Variants in LNPK observed in about 807,000 individuals in gnomAD.
The protein encoded by LNPK is lunapark, ER junction formation factor.
LNPK carries 29 observed loss-of-function variants against 55.2 expected under a neutral mutation model. That is an observed-to-expected ratio of 0.53 (90% CI 0.39 to 0.72). LNPK has a LOEUF of 0.72. Among genes scored for constraint, LNPK ranks in the 30% least tolerant of loss-of-function variants. The pLI is 0.00. For missense variants in LNPK, 467 were observed against 494.8 expected (o/e 0.94, Z 0.53); for synonymous variants, 162 against 168.2 (o/e 0.96, Z 0.29).
At chr2:175,955,955 G>A (rs1481781809) in intron 8 of LNPK, among the ~76,000 whole-genome samples, 1 of 152,166 alleles carries the variant, frequency 6.6e-6, no homozygotes, top group Non-Finnish European at 1.5e-5. Context: ...TATAGGTGGT[G>A]TCCTCCTAGA....
intron 9 of LNPK, among the ~76,000 whole-genome samples, chr2:175,943,542 C>T (rs534209049): frequency 6.6e-6 from 1 of 151,938 alleles, no homozygotes; most frequent in African/African-American, 2.4e-5. Flanking sequence ...TCGAAGCCAA[C>T]AATATGCATA....
At chr2:175,991,886 G>C (rs138673453) in intron 4 of LNPK, among the ~76,000 whole-genome samples, 1 of 152,312 alleles carries the variant, frequency 6.6e-6, no homozygotes, top group East Asian at 1.9e-4. Context: ...AATTTGAGCA[G>C]TTATTCTTTC....
intron 4 of LNPK, among the ~76,000 whole-genome samples, chr2:175,982,042 A>G (rs1687197410): frequency 6.6e-6 from 1 of 152,232 alleles, no homozygotes; most frequent in South Asian, 2.1e-4. Flanking sequence ...ACAATTACCT[A>G]AAAGTACAAA....
At chr2:175,934,929 C>T (rs1363797316) in intron 12 of LNPK, among the ~76,000 whole-genome samples, 3 of 152,024 alleles carry the variant, frequency 2.0e-5, no homozygotes, top group African/African-American at 7.3e-5. Context: ...TAGGTCTCCT[C>T]CTTTGATGAA....
chr2:175,925,661 C>CTTTTTTTTTTTTTTTTTTTTTTTTTTT lies in LNPK; in HGVS notation c.*4305_*4306insAAAAAAAAAAAAAAAAAAAAAAAAAAA, dbSNP rs756849996. On this transcript the variant is annotated 3_prime_UTR_variant, in exon 13 of 13. Transcript: ENST00000272748. ...AGCAATGGCGTGGCAGATTCATTTT[C>CTTTTTTTTTTTTTTTTTTTTTTTTTTT]TTTCTTTCTTTTTTTTTTTTGAGAT... 1 of 149,610 alleles carries CTTTTTTTTTTTTTTTTTTTTTTTTTTT rather than the reference C, an allele frequency of 6.7e-6. No homozygotes were observed. The allele number at this position is 149,610 out of a possible 1,614,324, so 9.3% of individuals were successfully genotyped here.
chr2:175,934,083 T>C (rs1684422961), intron 12 of LNPK, among the ~76,000 whole-genome samples: 1 of 152,170 alleles, frequency 6.6e-6, no homozygotes, highest in Non-Finnish European at 1.5e-5. Flanking sequence ...GAAAGTGTTT[T>C]AGAAAAGGGA....
intron 8 of LNPK, among the ~76,000 whole-genome samples, chr2:175,958,375 G>A (rs1242492767): frequency 2.0e-5 from 3 of 152,144 alleles, no homozygotes; most frequent in Non-Finnish European, 2.9e-5. Context: ...GGAAGGATCA[G>A]GCAGCAATAT....
intron 4 of LNPK, among the ~76,000 whole-genome samples, chr2:175,991,879 T>C (rs1194804395): frequency 2.0e-5 from 3 of 152,172 alleles, no homozygotes; most frequent in African/African-American, 7.2e-5. Flanking sequence ...TCAGAATAAT[T>C]TGAGCAGTTA....
rs1686620332 is a variant in LNPK, at chr2:175,970,754, G to A, written c.357+10C>T. 3 of 1,289,782 alleles carry A rather than the reference G, an allele frequency of 2.3e-6. No individual in the cohort carries two copies. Among genetic ancestry groups the A allele is most frequent in the Non-Finnish European group, 3.1e-6 (3 of 965,750 alleles). The allele number at this position is 1,289,782 out of a possible 1,614,324, so 79.9% of individuals were successfully genotyped here. On this transcript the variant is annotated intron_variant, in intron 6 of 12. Transcript: ENST00000272748. ...TAATATAAATTAATTTTAAATAAAA[G>A]TTAACTTACTATTTTTTTCCTCTGG...
rs1475064337 is a variant in LNPK at position 175,992,321 on chromosome 2, A to G, written c.167T>C (p.Phe56Ser). The stretch of plus-strand genomic sequence containing the variant: ...CCACAAATATACAATTAAGCATGTA[A>G]ACAGATAGAGAACTGAGGAATACAG... ...LILYSSVLYL[F>S]TCLIVYLWYL... Residue 56 changes from phenylalanine (F) to serine (S), a missense_variant, in exon 4 of 13, where the codon TTT (phenylalanine) becomes TCT (serine). Coordinates refer to ENST00000272748, the MANE Select transcript of LNPK (RefSeq NM_030650.3). The G allele has an allele frequency of 6.4e-7, 1 of 1,568,620 alleles. No homozygotes were observed. The highest frequency in any genetic ancestry group is 8.6e-7 in the Non-Finnish European group (1 of 1,162,812).
intron 5 of LNPK, among the ~76,000 whole-genome samples, chr2:175,971,060 T>C (rs1303344203): frequency 1.3e-5 from 2 of 152,230 alleles, no homozygotes; most frequent in East Asian, 1.9e-4. Context: ...AATTGAAATA[T>C]ATACAAATAC....
chr2:175,981,665 G>GCCTA (rs1321488594), intron 4 of LNPK, among the ~76,000 whole-genome samples: 3 of 152,226 alleles, frequency 2.0e-5, no homozygotes, highest in Non-Finnish European at 2.9e-5. Context: ...AATTGCAAAT[G>GCCTA]CCTACCGAGC....
At chr2:175,998,444 CA>C (rs761894057) in intron 1 of LNPK, among the ~76,000 whole-genome samples, 254 of 82,844 alleles carry the variant, frequency 3.1e-3, no homozygotes, top group Middle Eastern at 9.1e-3. Context: ...CTCCGTCTCA[CA>C]AAAAAAAAAA....
At chr2:175,938,439 CAGAGACTAATTT>C in intron 10 of LNPK, 56 bp from the exon 11 acceptor site, 1 of 942,966 alleles carries the variant, frequency 1.1e-6, no homozygotes, top group Non-Finnish European at 1.6e-6. Flanking sequence ...AAGCTCATGA[CAGAGACTAATTT>C]AGCCATCATG....
At chr2:176,001,482 G>A (rs1688157125) in intron 1 of LNPK, among the ~76,000 whole-genome samples, 1 of 152,046 alleles carries the variant, frequency 6.6e-6, no homozygotes, top group African/African-American at 2.4e-5. Context: ...ATGAACTGAC[G>A]GAATTTAGAT....
intron 4 of LNPK, among the ~76,000 whole-genome samples, chr2:175,984,501 A>T: frequency 6.6e-6 from 1 of 151,996 alleles, no homozygotes; most frequent in Non-Finnish European, 1.5e-5. Context: ...TATATGAAGA[A>T]CTCTCAAAAT....
At chr2:175,934,135 A>G (rs1211930296) in intron 12 of LNPK, among the ~76,000 whole-genome samples, 1 of 152,212 alleles carries the variant, frequency 6.6e-6, no homozygotes, top group Non-Finnish European at 1.5e-5. Context: ...ACAAACATGC[A>G]AAAACATACT....
At chr2:175,998,306 T>C (rs1334421569) in intron 1 of LNPK, among the ~76,000 whole-genome samples, 1 of 151,612 alleles carries the variant, frequency 6.6e-6, no homozygotes, top group Non-Finnish European at 1.5e-5. Flanking sequence ...TAGCCAGGCG[T>C]GGTGGCAGGT....
chr2:176,002,355 C>A, upstream of LNPK: 1 of 404,050 alleles, frequency 2.5e-6, no homozygotes, highest in South Asian at 1.8e-5. Context: ...TCCCCCGTCA[C>A]GTGACCGTAC....
Sources: allele counts gnomAD v4.1 joint callset (sites outside exome capture counted in the v4.1 genomes callset), GRCh38; gene constraint gnomAD v4.1.1; transcripts MANE v1.5; gene names NCBI Gene and HGNC (gene_info 2026-07-23, HGNC 2026-07-21).